PPP1R12B: variants seen among roughly 807,000 people sequenced by gnomAD.
PPP1R12B encodes the protein protein phosphatase 1 regulatory subunit 12B.
A neutral mutation model predicts 126.1 loss-of-function variants in PPP1R12B; 76 were observed. The ratio of observed to expected loss-of-function variants is 0.60; its 90% CI spans 0.50 to 0.73. The LOEUF is 0.73. Among genes scored for constraint, PPP1R12B ranks in the 30% least tolerant of loss-of-function variants. The probability of loss-of-function intolerance (pLI) is 0.00; values close to 1 mark genes in which losing one functional copy is unlikely to be tolerated. For synonymous variants in PPP1R12B, 356 were observed against 434.7 expected, an observed-to-expected ratio of 0.82 and a Z score of 2.25; for missense variants, 1,052 against 1,205.1, an observed-to-expected ratio of 0.87 and a Z score of 1.88.
chr1:202,445,849 T>A (rs1672164181), intron 12 of PPP1R12B, among the ~76,000 whole-genome samples: 2 of 152,222 alleles, frequency 1.3e-5, no homozygotes, highest in South Asian at 4.1e-4. Flanking sequence ...GGACTTTAGC[T>A]GTAGTTTTAA....
At chr1:202,522,872 CTA>C in intron 18 of PPP1R12B, among the ~76,000 whole-genome samples, 1 of 152,268 alleles carries the variant, frequency 6.6e-6, no homozygotes, top group Non-Finnish European at 1.5e-5. Context: ...TAAAATGACT[CTA>C]GATACTGAAA....
rs563936262 is a variant in PPP1R12B at position 202,508,849 on chromosome 1, A to T, written c.2490+12027A>T. Among the ~76,000 whole-genome samples the T allele has an allele frequency of 5.0e-4, 76 of 152,304 alleles. No homozygotes were observed. Among genetic ancestry groups the T allele is most frequent in the Admixed American group, 1.2e-3 (18 of 15,294 alleles). On this transcript the variant is annotated intron_variant, in intron 18 of 23. Coordinates refer to ENST00000608999, the MANE Select transcript of PPP1R12B (RefSeq NM_002481.4). This position sits in a 1 kb window ranked among gnomAD's most constrained non-coding sequence, Gnocchi z 4.5. ...GTGGTGGGACAGTGGTAGCAGCCTC[A>T]CTTCATCTTTGGCACGTGATGCTCT...
chr1:202,523,365 C>T (rs1682977600), intron 18 of PPP1R12B, among the ~76,000 whole-genome samples: 1 of 152,124 alleles, frequency 6.6e-6, no homozygotes, highest in African/African-American at 2.4e-5. Flanking sequence ...GGAGAAAGTA[C>T]AGGTTGTAAT....
At position 202,588,031 on chromosome 1, in the gene PPP1R12B, A is replaced by ATGTT. The variant is rs146924247; in HGVS notation, c.*7473_*7476dup. 4,107 of 152,330 alleles carry ATGTT rather than the reference A, an allele frequency of 0.027. 78 individuals carry two copies. The highest frequency in any genetic ancestry group is 0.051 in the South Asian group (246 of 4,826). 9.4% of individuals were successfully genotyped at this position (152,330 alleles called of 1,614,324 possible). ...ATTTCCCTGCAGAAGGAAGGAAAGA[A>ATGTT]TGTTTCACCCTTGCATCCTTCTTGG... is the stretch of plus-strand genomic sequence containing the variant. On this transcript the variant is annotated 3_prime_UTR_variant, in exon 24 of 24. Transcript: ENST00000608999.
At chr1:202,353,124 C>T (rs962014273) in intron 1 of PPP1R12B, among the ~76,000 whole-genome samples, 5 of 152,174 alleles carry the variant, frequency 3.3e-5, no homozygotes, top group African/African-American at 1.2e-4. Context: ...AATTTATATT[C>T]AGACAGAGAC....
chr1:202,535,434 G>A (rs2148949715), intron 18 of PPP1R12B, among the ~76,000 whole-genome samples: 1 of 152,216 alleles, frequency 6.6e-6, no homozygotes, highest in Admixed American at 6.5e-5. Context: ...TGGGAGAGTT[G>A]AGTCAATGAG....
At chr1:202,395,248 C>T (rs1664790553) in intron 1 of PPP1R12B, among the ~76,000 whole-genome samples, 1 of 151,918 alleles carries the variant, frequency 6.6e-6, no homozygotes, top group Non-Finnish European at 1.5e-5. Flanking sequence ...AGACTTAAGC[C>T]CTCTCAAGTT....
chr1:202,354,914 C>T (rs1278878937), intron 1 of PPP1R12B, among the ~76,000 whole-genome samples: 7 of 151,564 alleles, frequency 4.6e-5, no homozygotes, highest in African/African-American at 1.7e-4. Context: ...CAAGCTCTGC[C>T]TCCCGGGTTC....
Position 202,586,694 on chromosome 1 carries a change from A to G in PPP1R12B, c.*6134A>G, listed in dbSNP as rs901544448. ...CCAGCAGCTGCATGGTGAAAGATGC[A>G]TTCACTTCTCCTTTGAGAGTTGGGG... On this transcript the variant is annotated 3_prime_UTR_variant, in exon 24 of 24. Transcript: ENST00000608999. 2 of 152,254 alleles carry G rather than the reference A, an allele frequency of 1.3e-5. No homozygotes were observed. Among genetic ancestry groups the G allele is most frequent in the Non-Finnish European group, 2.9e-5 (2 of 68,050 alleles). The allele number at this position is 152,254 out of a possible 1,614,324, so 9.4% of individuals were successfully genotyped here. A position where few individuals can be genotyped will look rare whatever the true frequency, so the allele number is the denominator to read the frequency against.
At chr1:202,491,051 C>T (rs61821746) in intron 14 of PPP1R12B, among the ~76,000 whole-genome samples, 62,386 of 152,050 alleles carry the variant, frequency 0.41, 14,756 homozygotes, top group East Asian at 0.7. Flanking sequence ...TTTTCCTTAG[C>T]GGCTGTACCA....
At chr1:202,467,735 A>T (rs1373943589) in intron 13 of PPP1R12B, among the ~76,000 whole-genome samples, 1 of 152,194 alleles carries the variant, frequency 6.6e-6, no homozygotes, top group Non-Finnish European at 1.5e-5. Context: ...TTGGGTATAT[A>T]CCCAGTAATG....
intron 18 of PPP1R12B, among the ~76,000 whole-genome samples, chr1:202,514,465 C>T (rs1335761560): frequency 6.6e-6 from 1 of 152,106 alleles, no homozygotes. Context: ...GCTTTTGTTG[C>T]GATTGCTTTT....
At chr1:202,433,283 G>T (rs1159663317) in intron 8 of PPP1R12B, among the ~76,000 whole-genome samples, 1 of 152,166 alleles carries the variant, frequency 6.6e-6, no homozygotes, top group Admixed American at 6.5e-5. Context: ...AGTTGCCAAG[G>T]TATGAGAAAA....
intron 1 of PPP1R12B, among the ~76,000 whole-genome samples, chr1:202,415,055 A>G (rs1350754037): frequency 2.0e-5 from 3 of 152,210 alleles, no homozygotes; most frequent in Admixed American, 6.5e-5. Flanking sequence ...TTGGGATTAC[A>G]GGCATAAGTT....
intron 1 of PPP1R12B, among the ~76,000 whole-genome samples, chr1:202,384,944 G>C (rs1662893711): frequency 6.6e-6 from 1 of 152,194 alleles, no homozygotes; most frequent in Non-Finnish European, 1.5e-5. Context: ...TACAATTGCT[G>C]TTGTCATATT....
chr1:202,396,695 C>A (rs1190241116), intron 1 of PPP1R12B, among the ~76,000 whole-genome samples: 2 of 152,310 alleles, frequency 1.3e-5, no homozygotes, highest in Non-Finnish European at 2.9e-5. Context: ...TCACTGCAAG[C>A]AATGCCTTTG....
intron 1 of PPP1R12B, among the ~76,000 whole-genome samples, chr1:202,362,419 T>C (rs924041896): frequency 1.3e-5 from 2 of 152,216 alleles, no homozygotes; most frequent in East Asian, 3.8e-4. Flanking sequence ...GTTGAAGAGT[T>C]CCTACAGCAC....
intron 13 of PPP1R12B, 68 bp from the exon 14 acceptor site, chr1:202,488,465 C>T: frequency 2.5e-6 from 3 of 1,214,494 alleles, no homozygotes; most frequent in African/African-American, 1.5e-5. Context: ...TATGTGGAAA[C>T]ACTTTGTCAT....
chr1:202,425,218 C>T (rs1669353075), intron 3 of PPP1R12B, among the ~76,000 whole-genome samples: 2 of 152,134 alleles, frequency 1.3e-5, no homozygotes. Context: ...TGTTGGGAAA[C>T]TAAAGTCATA....
Sources: allele counts gnomAD v4.1 joint callset (sites outside exome capture counted in the v4.1 genomes callset), GRCh38; gene constraint gnomAD v4.1.1; non-coding constraint Gnocchi (gnomAD v3.1); transcripts MANE v1.5; gene names NCBI Gene and HGNC (gene_info 2026-07-23, HGNC 2026-07-21).